The following PSMA1 variants were observed in gnomAD, a reference collection of about 807,000 sequenced individuals.
PSMA1 encodes the protein proteasome subunit alpha type-1.
A neutral mutation model predicts 38.4 loss-of-function variants in PSMA1; 3 were observed. The ratio of observed to expected loss-of-function variants is 0.08; its 90% CI spans 0.04 to 0.20. The LOEUF is 0.20. Ranked by LOEUF, PSMA1 falls within the 10% of genes least tolerant of loss-of-function variation. The pLI, the probability that PSMA1 is intolerant of heterozygous loss-of-function variation, is 1.00. For synonymous variants in PSMA1, 101 were observed against 107.1 expected (o/e 0.94, Z 0.35); for missense variants, 227 against 325.3 (o/e 0.70, Z 2.32).
At chr11:14,620,872 C>T (rs1032491975) in intron 1 of PSMA1, among the ~76,000 whole-genome samples, 3 of 152,156 alleles carry the variant, frequency 2.0e-5, no homozygotes, top group Admixed American at 6.5e-5. Context: ...TTTTATGAGA[C>T]TTGGGGTTTC....
At chr11:14,620,584 T>C (rs547109391) in intron 1 of PSMA1, among the ~76,000 whole-genome samples, 1 of 152,338 alleles carries the variant, frequency 6.6e-6, no homozygotes, top group East Asian at 1.9e-4. Context: ...GTGATTCTAT[T>C]CTGGAAGGCT....
At chr11:14,610,339 G>A (rs370884717) in intron 2 of PSMA1, among the ~76,000 whole-genome samples, 8 of 86,164 alleles carry the variant, frequency 9.3e-5, no homozygotes, top group African/African-American at 3.8e-4. Flanking sequence ...GTGGGGCTGT[G>A]TCTAGTGACA....
Position 14,513,684 on chromosome 11 carries a change from T to C in PSMA1, c.430A>G (p.Ile144Val), listed in dbSNP as rs763179282. 33 of 1,586,394 alleles carry C rather than the reference T, an allele frequency of 2.1e-5. 1 individual carries two copies. In the South Asian group the frequency reaches 3.7e-4, roughly 18 times the overall value. The change falls in exon 7 of 10, where the codon ATT (isoleucine) becomes GTT (valine). Residue 144 changes from isoleucine to valine, a missense_variant. By Grantham distance (29) the Ile-to-Val change is conservative (BLOSUM62 3). Transcript: ENST00000396394. The stretch of plus-strand genomic sequence containing the variant: ...TTAGCAGATGGACAGGTTTGGAAAA[T>C]GTGAGGGCCCATATCCTACAAATAG... ...IAGYDDMGPH[I>V]FQTCPSANYF...
Position 14,517,692 on chromosome 11 carries a change from G to C in PSMA1, c.204C>G (p.Asn68Lys). The C allele has an allele frequency of 6.2e-7, 1 of 1,609,800 alleles. No homozygotes were observed. Among genetic ancestry groups the C allele is most frequent in the Non-Finnish European group, 8.5e-7 (1 of 1,179,218 alleles). ...AHQKKILHVD[N>K]HIGISIAGLT... ...GCCCCGCAATTGAGATACCAATATG[G>C]TTGTCAACATGGAGAATTTTTTTCT... The change falls in exon 4 of 10, where the codon AAC becomes AAG. Residue 68 changes from asparagine to lysine, a missense_variant. Asn to Lys is a moderately conservative substitution (Grantham distance 94). Transcript: ENST00000396394.
chr11:14,561,810 TAAACTA>T (rs1243389544), intron 2 of PSMA1, among the ~76,000 whole-genome samples: 1 of 7,484 alleles, frequency 1.3e-4, no homozygotes, highest in Non-Finnish European at 1.4e-3. Context: ...TAAACTAAAT[TAAACTA>T]AACTAAACTA....
chr11:14,552,033 T>C (rs1851891114), intron 2 of PSMA1, among the ~76,000 whole-genome samples: 1 of 152,194 alleles, frequency 6.6e-6, no homozygotes, highest in Non-Finnish European at 1.5e-5. Flanking sequence ...TCCTCAGCTC[T>C]GGAAAAGCTA....
intron 2 of PSMA1, among the ~76,000 whole-genome samples, chr11:14,585,340 C>T (rs1359299936): frequency 6.6e-6 from 1 of 152,148 alleles, no homozygotes; most frequent in Non-Finnish European, 1.5e-5. Context: ...ATGCATCTCT[C>T]TCTATATATA....
intron 2 of PSMA1, among the ~76,000 whole-genome samples, chr11:14,563,915 G>A (rs1467352853): frequency 6.6e-6 from 1 of 152,074 alleles, no homozygotes; most frequent in Non-Finnish European, 1.5e-5. Flanking sequence ...ATTTAATAAA[G>A]TGTTTCTCTT....
At chr11:14,632,233 C>T (rs1255223490) in intron 1 of PSMA1, among the ~76,000 whole-genome samples, 4 of 148,710 alleles carry the variant, frequency 2.7e-5, no homozygotes, top group African/African-American at 5.1e-5. Flanking sequence ...TTAATTTGCT[C>T]GTTAGTTGAT....
At chr11:14,638,029 T>C (rs1853132214) in intron 1 of PSMA1, among the ~76,000 whole-genome samples, 1 of 152,234 alleles carries the variant, frequency 6.6e-6, no homozygotes, top group African/African-American at 2.4e-5. Context: ...CTACTCATTG[T>C]TAGTTACCTT....
At chr11:14,597,580 T>A (rs1488148456) in intron 2 of PSMA1, among the ~76,000 whole-genome samples, 3 of 152,170 alleles carry the variant, frequency 2.0e-5, no homozygotes, top group Non-Finnish European at 4.4e-5. Context: ...TCTGTGGGAT[T>A]GGTGGTGATA....
chr11:14,525,285 G>C (rs1851573888), upstream of PSMA1, among the ~76,000 whole-genome samples: 1 of 151,892 alleles, frequency 6.6e-6, no homozygotes, highest in Non-Finnish European at 1.5e-5. Flanking sequence ...ACACCTTATT[G>C]CCACCTTTTG....
intron 2 of PSMA1, among the ~76,000 whole-genome samples, chr11:14,576,306 G>A (rs1316856975): frequency 6.6e-6 from 1 of 152,040 alleles, no homozygotes; most frequent in East Asian, 1.9e-4. Context: ...TGTCAATTTT[G>A]GCTTTTGTTG....
chr11:14,526,621 TCAGCTGTACTCA>T (rs1282515954), intron 2 of PSMA1, among the ~76,000 whole-genome samples: 1 of 152,148 alleles, frequency 6.6e-6, no homozygotes, highest in African/African-American at 2.4e-5. Flanking sequence ...CCCAGATCCT[TCAGCTGTACTCA>T]CTCTTTGTTG....
intron 2 of PSMA1, among the ~76,000 whole-genome samples, chr11:14,589,447 A>G (rs994072040): frequency 4.7e-5 from 7 of 149,998 alleles, no homozygotes; most frequent in African/African-American, 1.5e-4. Flanking sequence ...GTGTGTGTGT[A>G]TTATATATAT....
intron 2 of PSMA1, among the ~76,000 whole-genome samples, chr11:14,533,615 A>G (rs958918841): frequency 6.8e-6 from 1 of 148,040 alleles, no homozygotes; most frequent in African/African-American, 2.5e-5. Flanking sequence ...ACGGGGTCTC[A>G]CTATGTTGCC....
At chr11:14,535,592 C>T (rs1025835492) in intron 2 of PSMA1, among the ~76,000 whole-genome samples, 3 of 151,710 alleles carry the variant, frequency 2.0e-5, no homozygotes, top group African/African-American at 7.3e-5. Flanking sequence ...TACAAGCATG[C>T]GCCACCACAC....
At chr11:14,630,670 C>T (rs1378006466) in intron 1 of PSMA1, among the ~76,000 whole-genome samples, 2 of 151,484 alleles carry the variant, frequency 1.3e-5, no homozygotes, top group African/African-American at 4.9e-5. Context: ...CAGAATGATG[C>T]TGGCCTCATA....
At chr11:14,562,628 ATT>A (rs776522565) in intron 2 of PSMA1, among the ~76,000 whole-genome samples, 5 of 144,050 alleles carry the variant, frequency 3.5e-5, no homozygotes, top group Non-Finnish European at 1.5e-5. Context: ...ATTCATGAGC[ATT>A]TTTTTTTTTT....
Sources: allele counts gnomAD v4.1 joint callset (sites outside exome capture counted in the v4.1 genomes callset), GRCh38; gene constraint gnomAD v4.1.1; transcripts MANE v1.5; gene names NCBI Gene and HGNC (gene_info 2026-07-23, HGNC 2026-07-21).